PRELID2: variants seen among roughly 807,000 people sequenced by gnomAD.
PRELID2 encodes the protein PRELI domain containing 2.
PRELID2 carries 25 observed loss-of-function variants against 28.4 expected under a neutral mutation model. The ratio of observed to expected loss-of-function variants is 0.88; its 90% CI spans 0.64 to 1.23. The LOEUF is 1.23. PRELID2 is among the 50% of genes most tolerant of loss of function. PRELID2 has a pLI of 0.00. For synonymous variants in PRELID2, 76 were observed against 71.6 expected (o/e 1.06, Z -0.31); for missense variants, 201 against 214.4 (o/e 0.94, Z 0.39).
intron 1 of PRELID2, among the ~76,000 whole-genome samples, chr5:145,677,291 A>T (rs1221152264): frequency 6.6e-6 from 1 of 150,638 alleles, no homozygotes; most frequent in African/African-American, 2.4e-5. Context: ...AGTCGCTGGG[A>T]CTACTGCCGT....
the PRELID2 span, among the ~76,000 whole-genome samples, chr5:145,362,130 T>C: frequency 6.6e-6 from 1 of 152,186 alleles, no homozygotes; most frequent in East Asian, 1.9e-4. Flanking sequence ...AGTGCTGTGC[T>C]TATCTTGGGG....
At chr5:145,740,293 T>TCA in intron 1 of PRELID2, among the ~76,000 whole-genome samples, 1 of 93,646 alleles carries the variant, frequency 1.1e-5, no homozygotes, top group Non-Finnish European at 2.2e-5. Flanking sequence ...TATATATATA[T>TCA]ATATATATAT....
intron 1 of PRELID2, among the ~76,000 whole-genome samples, chr5:145,582,371 C>T (rs1424503358): frequency 6.6e-6 from 1 of 151,974 alleles, no homozygotes; most frequent in Non-Finnish European, 1.5e-5. Context: ...AGAGAGCAAA[C>T]AGGGAAGTTC....
the PRELID2 span, among the ~76,000 whole-genome samples, chr5:145,237,032 C>T: frequency 6.6e-6 from 1 of 152,136 alleles, no homozygotes; most frequent in Non-Finnish European, 1.5e-5. Flanking sequence ...ACTTGACATA[C>T]ACATCAGAGC....
At chr5:145,440,676 C>T in the PRELID2 span, 1 of 152,048 alleles carries the variant, frequency 6.6e-6, no homozygotes, top group South Asian at 2.1e-4. Context: ...ATAACAATTG[C>T]CAGGGAGTCA....
chr5:145,373,463 A>ATAT, the PRELID2 span, among the ~76,000 whole-genome samples: 3 of 39,882 alleles, frequency 7.5e-5, no homozygotes, highest in African/African-American at 3.1e-4. Flanking sequence ...AATATATATG[A>ATAT]TATATATTAC....
chr5:145,694,581 C>T (rs947892806), intron 1 of PRELID2, among the ~76,000 whole-genome samples: 2 of 151,962 alleles, frequency 1.3e-5, no homozygotes, highest in Admixed American at 6.6e-5. Flanking sequence ...ATTTGAAGTC[C>T]ACGGTATGAA....
At chr5:145,524,116 C>T (rs1460472402) in intron 1 of PRELID2, among the ~76,000 whole-genome samples, 2 of 152,130 alleles carry the variant, frequency 1.3e-5, no homozygotes, top group Admixed American at 6.6e-5. Context: ...AATAGCAGAG[C>T]CCTTTGAAGC....
At chr5:145,257,297 T>C in the PRELID2 span, among the ~76,000 whole-genome samples, 1 of 152,136 alleles carries the variant, frequency 6.6e-6, no homozygotes, top group Non-Finnish European at 1.5e-5. Context: ...TGAAGTAGAA[T>C]ATTTTATGAA....
the PRELID2 span, among the ~76,000 whole-genome samples, chr5:145,394,304 C>T: frequency 1.3e-5 from 2 of 151,830 alleles, no homozygotes; most frequent in Admixed American, 6.6e-5. Flanking sequence ...AAACTGGAAA[C>T]CATCATTCTC....
chr5:145,554,541 A>G (rs1752864413), intron 1 of PRELID2, among the ~76,000 whole-genome samples: 1 of 151,990 alleles, frequency 6.6e-6, no homozygotes, highest in South Asian at 2.1e-4. Context: ...TGAAGGATCC[A>G]CTCTTTCAAA....
At chr5:145,438,739 A>G in the PRELID2 span, among the ~76,000 whole-genome samples, 2 of 152,278 alleles carry the variant, frequency 1.3e-5, no homozygotes, top group South Asian at 4.1e-4. Context: ...CCTCATGCCT[A>G]TCTTCCTGCA....
At chr5:145,723,500 A>G (rs1345338885) in intron 1 of PRELID2, among the ~76,000 whole-genome samples, 3 of 152,226 alleles carry the variant, frequency 2.0e-5, no homozygotes, top group Non-Finnish European at 4.4e-5. Context: ...ACAACTTAAA[A>G]GGGGGAAATA....
the PRELID2 span, among the ~76,000 whole-genome samples, chr5:145,415,250 G>C: frequency 2.0e-5 from 3 of 151,514 alleles, no homozygotes; most frequent in Non-Finnish European, 4.4e-5. Flanking sequence ...TGTTGGTTTT[G>C]TTTTGTTTTT....
At chr5:145,765,190 T>C (rs560029403) in intron 5 of PRELID2, among the ~76,000 whole-genome samples, 190 bp from the exon 6 acceptor site, 6 of 152,192 alleles carry the variant, frequency 3.9e-5, no homozygotes, top group Admixed American at 1.3e-4. Flanking sequence ...TATCTCCGCA[T>C]GTGCTCAGAA....
chr5:145,502,521 G>A (rs1340241901), intron 1 of PRELID2, among the ~76,000 whole-genome samples: 1 of 152,098 alleles, frequency 6.6e-6, no homozygotes, highest in African/African-American at 2.4e-5. Flanking sequence ...TTATAATGAT[G>A]GCCAGGTTAA....
chr5:145,262,157 G>A, the PRELID2 span, among the ~76,000 whole-genome samples: 1 of 151,882 alleles, frequency 6.6e-6, no homozygotes, highest in Non-Finnish European at 1.5e-5. Flanking sequence ...AGAGAAAAAA[G>A]AATTTTAGAA....
the PRELID2 span, chr5:145,229,361 G>A: frequency 1.3e-5 from 10 of 741,462 alleles, no homozygotes; most frequent in South Asian, 2.7e-5. Context: ...GTGGAGCATC[G>A]ACAAGAACCT....
chr5:145,234,001 C>T, the PRELID2 span, among the ~76,000 whole-genome samples: 1 of 152,094 alleles, frequency 6.6e-6, no homozygotes, highest in South Asian at 2.1e-4. Context: ...TACTTTTCTA[C>T]AAAGCGAGTG....
Sources: allele counts gnomAD v4.1 joint callset (sites outside exome capture counted in the v4.1 genomes callset), GRCh38; gene constraint gnomAD v4.1.1; transcripts MANE v1.5; gene names NCBI Gene and HGNC (gene_info 2026-07-23, HGNC 2026-07-21).